ACCSL: variants seen among roughly 807,000 people sequenced by gnomAD.
ACCSL encodes the protein probable inactive 1-aminocyclopropane-1-carboxylate synthase-like protein 2.
Under a neutral mutation model 61.7 loss-of-function variants are expected in ACCSL, and 55 were observed. That is an observed-to-expected ratio of 0.89 (90% CI 0.72 to 1.12). The LOEUF (loss-of-function observed/expected upper bound fraction) is 1.12, where lower values mean the gene tolerates loss of function less well. Ranked by LOEUF, ACCSL falls within the 50% of genes most tolerant of loss-of-function variation. ACCSL has a pLI of 0.00. For missense variants in ACCSL, 632 were observed against 698.0 expected (o/e 0.91, Z 1.07); for synonymous variants, 258 against 264.3 (o/e 0.98, Z 0.23).
the ACCSL span, among the ~76,000 whole-genome samples, chr11:44,032,418 C>T: frequency 2.0e-5 from 3 of 152,138 alleles, no homozygotes; most frequent in Admixed American, 6.5e-5. Context: ...TGTGCAAGGG[C>T]GTGAATACCA....
chr11:44,040,560 C>T, the ACCSL span, among the ~76,000 whole-genome samples: 1 of 152,210 alleles, frequency 6.6e-6, no homozygotes, highest in African/African-American at 2.4e-5. Flanking sequence ...AACATGCAGG[C>T]CACAGTGGTA....
At chr11:43,928,167 C>T in the ACCSL span, among the ~76,000 whole-genome samples, 717 of 152,058 alleles carry the variant, frequency 4.7e-3, 3 homozygotes, top group Non-Finnish European at 7.4e-3. Flanking sequence ...GGAGGGGAGA[C>T]GGTGGGGGAG....
the ACCSL span, among the ~76,000 whole-genome samples, chr11:44,022,524 T>G: frequency 6.6e-6 from 1 of 152,160 alleles, no homozygotes; most frequent in African/African-American, 2.4e-5. Flanking sequence ...GATGAGTCTT[T>G]AGGGTTTTCT....
chr11:43,942,537 C>T, the ACCSL span: 1 of 253,076 alleles, frequency 4.0e-6, no homozygotes, highest in Non-Finnish European at 8.0e-6. Context: ...CGGAAGGGCG[C>T]GGGGCGCGCA....
chr11:44,059,539 G>A (rs1952694451), intron 13 of ACCSL, among the ~76,000 whole-genome samples: 1 of 152,242 alleles, frequency 6.6e-6, no homozygotes, highest in Admixed American at 6.5e-5. Context: ...AAGATAGGCT[G>A]AGTGAAGAGA....
chr11:43,993,069 G>A, the ACCSL span, among the ~76,000 whole-genome samples: 52 of 137,880 alleles, frequency 3.8e-4, no homozygotes, highest in Admixed American at 1.2e-3. Context: ...GTGCTAGAGC[G>A]GAATCACAGT....
chr11:43,964,843 C>A, the ACCSL span, among the ~76,000 whole-genome samples: 1 of 147,144 alleles, frequency 6.8e-6, no homozygotes, highest in Non-Finnish European at 1.5e-5. Flanking sequence ...GGTAAAAAAA[C>A]ACAGGAACTT....
chr11:44,048,790 C>A, intron 1 of ACCSL, among the ~76,000 whole-genome samples: 1 of 152,130 alleles, frequency 6.6e-6, no homozygotes, highest in Non-Finnish European at 1.5e-5. Flanking sequence ...AGGAGTTGGC[C>A]CCTGTGGTCA....
chr11:44,045,101 G>T (rs1327750525), upstream of ACCSL, among the ~76,000 whole-genome samples: 1 of 152,126 alleles, frequency 6.6e-6, no homozygotes, highest in Non-Finnish European at 1.5e-5. Context: ...CAGCTTCTAG[G>T]TTTACTCCTG....
the ACCSL span, among the ~76,000 whole-genome samples, chr11:43,998,471 AGTG>A: frequency 6.6e-6 from 1 of 152,160 alleles, no homozygotes; most frequent in African/African-American, 2.4e-5. Context: ...CATTCTCCAC[AGTG>A]GGCACAGCGC....
At chr11:44,055,952 A>C (rs1348027780) in intron 9 of ACCSL, 88 bp from the exon 10 acceptor site, 2 of 1,513,072 alleles carry the variant, frequency 1.3e-6, no homozygotes, top group African/African-American at 2.7e-5. Context: ...TCTAGGACCA[A>C]CCTCAAATCT....
At chr11:43,980,895 C>T in the ACCSL span, among the ~76,000 whole-genome samples, 3 of 151,126 alleles carry the variant, frequency 2.0e-5, no homozygotes, top group African/African-American at 7.3e-5. Flanking sequence ...AAGTGAGGCT[C>T]AGAAGCGTAC....
At chr11:44,052,334 C>T (rs1168839621) in intron 5 of ACCSL, among the ~76,000 whole-genome samples, 2 of 152,198 alleles carry the variant, frequency 1.3e-5, no homozygotes, top group Non-Finnish European at 2.9e-5. Context: ...TGGCCTGAAT[C>T]TGTTGAGACT....
the ACCSL span, among the ~76,000 whole-genome samples, chr11:43,992,326 C>A: frequency 2.0e-5 from 3 of 152,174 alleles, no homozygotes; most frequent in African/African-American, 7.2e-5. Context: ...GGATTACAGG[C>A]GTGAGCCACC....
upstream of ACCSL, among the ~76,000 whole-genome samples, chr11:44,045,056 C>A (rs1005234448): frequency 2.3e-4 from 35 of 152,190 alleles, no homozygotes; most frequent in African/African-American, 8.2e-4. Context: ...TTACAATAGA[C>A]TTTTCCCATA....
intron 13 of ACCSL, 106 bp downstream of exon 13, chr11:44,058,805 C>T (rs777512490): frequency 9.6e-5 from 129 of 1,338,496 alleles, no homozygotes; most frequent in Non-Finnish European, 1.2e-4. Flanking sequence ...GCCCTTTATT[C>T]CCTGTTTCCA....
chr11:43,948,377 G>A, the ACCSL span, among the ~76,000 whole-genome samples: 1 of 152,178 alleles, frequency 6.6e-6, no homozygotes, highest in Admixed American at 6.5e-5. Flanking sequence ...AGTTTCTCAG[G>A]CATTTTACAG....
the ACCSL span, among the ~76,000 whole-genome samples, chr11:43,924,606 G>A: frequency 2.0e-5 from 3 of 152,264 alleles, no homozygotes; most frequent in South Asian, 4.1e-4. Context: ...GGCCAAACCC[G>A]TTCCTGCGGC....
At position 44,051,583 on chromosome 11, in the gene ACCSL, G is replaced by C. The variant is rs1263044228; in HGVS notation, c.706-70G>C. 3 of 1,597,902 alleles carry C rather than the reference G, an allele frequency of 1.9e-6. No homozygotes were observed. In the South Asian group the frequency reaches 3.3e-5, roughly 18 times the overall value. ...TGTGCCTGTTCTGCCCAGGGGGATG[G>C]AGAAAGCATGGCTACCCCTTCTCAC... On this transcript the variant is annotated intron_variant, in intron 4 of 13. Transcript: ENST00000378832.
Sources: gnomAD v4.1 joint callset for allele counts (sites outside exome capture counted in the v4.1 genomes callset) on GRCh38, gnomAD v4.1.1 for gene constraint, MANE v1.5 for transcripts, NCBI Gene and HGNC (gene_info 2026-07-23, HGNC 2026-07-21) for gene names.